GLRA2: variants seen among roughly 807,000 people sequenced by gnomAD.
GLRA2 encodes the protein glycine receptor subunit alpha-2.
GLRA2 carries 11 observed loss-of-function variants against 31.6 expected under a neutral mutation model. The observed-to-expected ratio is 0.35, with a 90% CI of 0.22 to 0.58. The LOEUF (loss-of-function observed/expected upper bound fraction) is 0.58. GLRA2 is among the 20% of genes least tolerant of loss of function. The pLI, the probability that GLRA2 is intolerant of heterozygous loss-of-function variation, is 0.84. For synonymous variants in GLRA2, 132 were observed against 134.0 expected (o/e 0.99, Z 0.10); for missense variants, 212 against 351.8 (o/e 0.60, Z 3.18).
intron 4 of GLRA2, among the ~76,000 whole-genome samples, chrX:14,594,455 A>G (rs1010692523): frequency 9.0e-6 from 1 of 111,612 alleles, no homozygotes; most frequent in Non-Finnish European, 1.9e-5. Context: ...ATATATAAAT[A>G]CTAGATGTGA....
chrX:14,621,249 T>C (rs1369442426), intron 7 of GLRA2, among the ~76,000 whole-genome samples: 1 of 111,211 alleles, frequency 9.0e-6, no homozygotes, highest in Non-Finnish European at 1.9e-5. Flanking sequence ...TTAGAATCAG[T>C]TGAGGAGATT....
At chrX:14,646,007 T>C (rs769102021) in intron 7 of GLRA2, among the ~76,000 whole-genome samples, 12 of 112,035 alleles carry the variant, frequency 1.1e-4, no homozygotes, top group Non-Finnish European at 2.3e-4. Context: ...CAGAAGACCA[T>C]GATTAAGTAG....
the GLRA2 span, among the ~76,000 whole-genome samples, chrX:14,473,741 A>G: frequency 1.8e-5 from 2 of 112,328 alleles, no homozygotes; most frequent in African/African-American, 6.5e-5. Context: ...ACAGTGGACT[A>G]TGAAGGGATA....
chrX:14,616,663 A>G (rs992198260), intron 7 of GLRA2, among the ~76,000 whole-genome samples: 4 of 111,939 alleles, frequency 3.6e-5, no homozygotes, highest in Non-Finnish European at 7.5e-5. Context: ...GTTTTTAAAG[A>G]TTTGTTTGGA....
Position 14,651,579 on chromosome X carries a change from G to A in GLRA2, c.931-39131G>A, listed in dbSNP as rs192451479. ...ACAGTTGCCTACAGCATTCAGTAAA[G>A]TAACATGCTGTACAAGTTTGTAGCC... On this transcript the variant is annotated intron_variant, in intron 7 of 8. Transcript: ENST00000218075. 3.0e-4 allele frequency among the ~76,000 whole-genome samples: 33 copies of A among 111,356 alleles called. No homozygotes were observed. The East Asian group carries it at 5.6e-3, about 19-fold the overall frequency.
chrX:14,684,128 A>G (rs1393028587), intron 7 of GLRA2, among the ~76,000 whole-genome samples: 2 of 110,676 alleles, frequency 1.8e-5, no homozygotes, highest in African/African-American at 6.6e-5. Context: ...ATGGTTGTAG[A>G]TGTGTGGTAT....
In GLRA2 at chrX:14,726,262, A is replaced by G. The variant is rs989978740; in HGVS notation, c.1081-3945A>G. Among the ~76,000 whole-genome samples the G allele has an allele frequency of 4.5e-5, 5 of 112,175 alleles. No individual in the cohort carries two copies. The East Asian group carries it at 8.4e-4, about 19-fold the overall frequency. ...CTAGAAAGGCAATTAGTCATTTATT[A>G]TAACACAAAAAAATTCAAATTGGTT... On this transcript the variant is annotated intron_variant, in intron 8 of 8. Transcript: ENST00000218075.
the GLRA2 span, among the ~76,000 whole-genome samples, chrX:14,490,905 C>G: frequency 4.5e-5 from 5 of 111,741 alleles, no homozygotes; most frequent in Non-Finnish European, 5.6e-5. Context: ...ACAGCACACA[C>G]TCTGCACATA....
intron 7 of GLRA2, among the ~76,000 whole-genome samples, chrX:14,624,526 G>T (rs2090564652): frequency 8.9e-6 from 1 of 111,811 alleles, no homozygotes; most frequent in Non-Finnish European, 1.9e-5. Flanking sequence ...CTTTAAATGT[G>T]TCCCAGAGAT....
intron 2 of GLRA2, among the ~76,000 whole-genome samples, chrX:14,573,730 G>C (rs768618722): frequency 6.5e-4 from 71 of 109,723 alleles, no homozygotes; most frequent in Non-Finnish European, 4.0e-4. Context: ...TAACAATATG[G>C]ACGTAAATTG....
At chrX:14,518,494 TAAAG>T in the GLRA2 span, among the ~76,000 whole-genome samples, 2 of 111,488 alleles carry the variant, frequency 1.8e-5, no homozygotes, top group African/African-American at 6.5e-5. Flanking sequence ...GTGAAACAGA[TAAAG>T]AAATTGTGTA....
chrX:14,525,891 A>G (rs190885871), upstream of GLRA2, among the ~76,000 whole-genome samples: 796 of 112,175 alleles, frequency 7.1e-3, 4 homozygotes, highest in Non-Finnish European at 0.011. Context: ...ATTATATACT[A>G]GTTATCATCA....
chrX:14,470,820 C>T, the GLRA2 span, among the ~76,000 whole-genome samples: 1 of 111,837 alleles, frequency 8.9e-6, no homozygotes, highest in East Asian at 2.8e-4. Flanking sequence ...AGAAGCCTAC[C>T]TTATAAAGTG....
chrX:14,727,567 G>GAGTA (rs1248970945), intron 8 of GLRA2, among the ~76,000 whole-genome samples: 1 of 112,181 alleles, frequency 8.9e-6, no homozygotes, highest in African/African-American at 3.2e-5. Context: ...GCTAAGCACT[G>GAGTA]AGTAAGTCTT....
At chrX:14,666,726 T>TATC (rs1163576295) in intron 7 of GLRA2, among the ~76,000 whole-genome samples, 1 of 112,057 alleles carries the variant, frequency 8.9e-6, no homozygotes, top group Non-Finnish European at 1.9e-5. Context: ...ATTTCACAGA[T>TATC]ATCTCAATAC....
rs1025241132 is a variant in GLRA2, at chrX:14,678,054, A to G, written c.931-12656A>G. Among the ~76,000 whole-genome samples the G allele has an allele frequency of 2.7e-5, 3 of 111,971 alleles. 1 individual carries two copies. The highest frequency in any genetic ancestry group is 3.7e-4 in the South Asian group (1 of 2,684). On this transcript the variant is annotated intron_variant, in intron 7 of 8. Coordinates refer to ENST00000218075, the MANE Select transcript of GLRA2 (RefSeq NM_002063.4). ...TGCTCCCTGGTTGTGACAATCAAAAATATCTCCAGACGTTGCCAAATGTCC... is the reference window on the plus strand; with the variant it reads ...TGCTCCCTGGTTGTGACAATCAAAAGTATCTCCAGACGTTGCCAAATGTCC...
intron 8 of GLRA2, among the ~76,000 whole-genome samples, chrX:14,702,439 T>C (rs567692846): frequency 1.5e-4 from 17 of 112,312 alleles, no homozygotes; most frequent in African/African-American, 4.8e-4. Context: ...TAGATCATTA[T>C]TACTATTTTG....
chrX:14,614,601 T>G (rs969574266), intron 7 of GLRA2, among the ~76,000 whole-genome samples: 1 of 112,169 alleles, frequency 8.9e-6, no homozygotes, highest in African/African-American at 3.2e-5. Flanking sequence ...CAACTGCTAA[T>G]CTTTCTGCTT....
chrX:14,562,340 T>G (rs1220324148), intron 2 of GLRA2, among the ~76,000 whole-genome samples: 1 of 112,293 alleles, frequency 8.9e-6, no homozygotes, highest in Non-Finnish European at 1.9e-5. Context: ...CCTTGTCCCA[T>G]TCCCTCCCTA....
Sources: allele counts gnomAD v4.1 joint callset (sites outside exome capture counted in the v4.1 genomes callset), GRCh38; gene constraint gnomAD v4.1.1; transcripts MANE v1.5; gene names NCBI Gene and HGNC (gene_info 2026-07-23, HGNC 2026-07-21).